The following FBXL4 variants were observed in gnomAD, a reference collection of about 807,000 sequenced individuals.
FBXL4 encodes the protein F-box and leucine rich repeat protein 4, also known as F-box/LRR-repeat protein 4.
In FBXL4, 40 loss-of-function variants were observed where a neutral mutation model predicts 58.9. That is an observed-to-expected ratio of 0.68 (90% CI 0.53 to 0.88). The LOEUF (loss-of-function observed/expected upper bound fraction) is 0.88, where lower values mean the gene tolerates loss of function less well. Among genes scored for constraint, FBXL4 ranks in the 40% least tolerant of loss-of-function variants. The probability of loss-of-function intolerance (pLI) is 0.00; values close to 1 mark genes in which losing one functional copy is unlikely to be tolerated. For synonymous variants in FBXL4, 263 were observed against 265.5 expected (o/e 0.99, Z 0.09); for missense variants, 676 against 734.4 (o/e 0.92, Z 0.92).
chr6:98,917,398 C>A lies in FBXL4; in HGVS notation c.834G>T (p.Gly278=), dbSNP rs770907606. The part of the protein sequence containing the change: ...SAVLGEGPNN[G]YFDKLPYELI... Reference sequence around the variant, plus strand: ...CCTCATAAGGTAGTTTATCAAAATACCCATTATTTGGCCCTTCCCCGAGGA... The same window carrying A: ...CCTCATAAGGTAGTTTATCAAAATAACCATTATTTGGCCCTTCCCCGAGGA... Residue 278 remains glycine (G), a synonymous_variant, in exon 5 of 10, where the codon GGG becomes GGT. Coordinates refer to ENST00000369244, the MANE Select transcript of FBXL4 (RefSeq NM_001278716.2). 2 of 1,608,420 alleles carry A rather than the reference C, an allele frequency of 1.2e-6. No homozygotes were observed. Among genetic ancestry groups the A allele is most frequent in the South Asian group, 1.1e-5 (1 of 90,070 alleles).
intron 5 of FBXL4, among the ~76,000 whole-genome samples, chr6:98,914,186 C>T (rs896543063): frequency 1.3e-5 from 2 of 152,150 alleles, no homozygotes; most frequent in African/African-American, 4.8e-5. Context: ...AGCTTACCAA[C>T]CAAAAAGAGT....
chr6:98,917,445 T>G lies in FBXL4; in HGVS notation c.787A>C (p.Asn263His). ...EKDGCGMDSLNKKFSSAVLGE... is the reference protein window; with the variant it reads ...EKDGCGMDSLHKKFSSAVLGE... ...AGGACAGCACTGCTAAACTTTTTGT[T>G]AAGACTGTCCATTCCACAACCATCC... The change falls in exon 5 of 10, where the codon AAC becomes CAC. Residue 263 changes from asparagine (N) to histidine (H), a missense_variant. Asn to His is a moderately conservative substitution (Grantham distance 68). Coordinates refer to ENST00000369244, the MANE Select transcript of FBXL4 (RefSeq NM_001278716.2). The G allele has an allele frequency of 1.9e-6, 3 of 1,614,024 alleles. No individual in the cohort carries two copies. Among genetic ancestry groups the G allele is most frequent in the Middle Eastern group, 3.3e-4 (2 of 6,062 alleles).
intron 5 of FBXL4, 102 bp downstream of exon 5, chr6:98,917,272 C>T: frequency 1.3e-6 from 1 of 785,396 alleles, no homozygotes; most frequent in South Asian, 2.5e-5. Context: ...TTATATATAA[C>T]TTACCAATGC....
At chr6:98,941,113 G>C (rs946921950) in intron 1 of FBXL4, among the ~76,000 whole-genome samples, 5 of 151,876 alleles carry the variant, frequency 3.3e-5, no homozygotes, top group Non-Finnish European at 7.4e-5. Flanking sequence ...CCAAAAACCT[G>C]TATACAAATG....
At chr6:98,915,035 A>G (rs913934720) in intron 5 of FBXL4, among the ~76,000 whole-genome samples, 143 of 152,362 alleles carry the variant, frequency 9.4e-4, no homozygotes, top group African/African-American at 3.4e-3. Flanking sequence ...ACAGACAAAC[A>G]GAGAGCCAAA....
chr6:98,891,607 C>T (rs946724471), intron 7 of FBXL4, among the ~76,000 whole-genome samples: 67 of 151,288 alleles, frequency 4.4e-4, no homozygotes, highest in African/African-American at 1.5e-3. Flanking sequence ...AGACATGGGG[C>T]TGGATGTGGT....
intron 4 of FBXL4, among the ~76,000 whole-genome samples, chr6:98,919,472 C>T (rs948875495): frequency 2.0e-5 from 3 of 152,170 alleles, no homozygotes; most frequent in African/African-American, 7.2e-5. Context: ...TATAACCAAT[C>T]TTGCAAGGCA....
intron 1 of FBXL4, among the ~76,000 whole-genome samples, chr6:98,945,248 A>G (rs1012786475): frequency 6.6e-6 from 1 of 152,204 alleles, no homozygotes; most frequent in Admixed American, 6.5e-5. Flanking sequence ...AATTTGGAAT[A>G]ATGCCAACAG....
At chr6:98,882,210 C>T (rs1446561342) in intron 7 of FBXL4, among the ~76,000 whole-genome samples, 1 of 152,006 alleles carries the variant, frequency 6.6e-6, no homozygotes, top group African/African-American at 2.4e-5. Flanking sequence ...CATGTAGCCA[C>T]CACTCAGTTT....
chr6:98,935,622 T>C (rs962351191), intron 1 of FBXL4, among the ~76,000 whole-genome samples: 3 of 150,636 alleles, frequency 2.0e-5, no homozygotes, highest in African/African-American at 7.3e-5. Flanking sequence ...ACCCCGTCTC[T>C]ACTAAAAATA....
chr6:98,943,241 T>C (rs1773496841), intron 1 of FBXL4, among the ~76,000 whole-genome samples: 1 of 152,040 alleles, frequency 6.6e-6, no homozygotes, highest in Admixed American at 6.6e-5. Context: ...AATGATCTTT[T>C]TTAAAAGTTT....
chr6:98,923,526 T>C (rs544061760), intron 4 of FBXL4, among the ~76,000 whole-genome samples: 67 of 152,332 alleles, frequency 4.4e-4, no homozygotes, highest in Non-Finnish European at 7.2e-4. Flanking sequence ...AAATGTGCTG[T>C]TGTCTCTCCT....
chr6:98,882,245 T>C (rs142878517), intron 7 of FBXL4, among the ~76,000 whole-genome samples: 1 of 151,914 alleles, frequency 6.6e-6, no homozygotes, highest in East Asian at 2.0e-4. Context: ...ATTTTGACAT[T>C]CTTTGCTTAT....
At chr6:98,891,611 A>G (rs1771228970) in intron 7 of FBXL4, among the ~76,000 whole-genome samples, 1 of 151,100 alleles carries the variant, frequency 6.6e-6, no homozygotes, top group African/African-American at 2.4e-5. Context: ...ATGGGGCTGG[A>G]TGTGGTGGCT....
chr6:98,908,856 A>T (rs575244987), intron 5 of FBXL4, among the ~76,000 whole-genome samples: 6 of 152,224 alleles, frequency 3.9e-5, no homozygotes, highest in African/African-American at 1.2e-4. Flanking sequence ...CTCCCATATC[A>T]ATAGTCCTCC....
At position 98,874,084 on chromosome 6, in the gene FBXL4, G is replaced by A; in HGVS notation, c.*194C>T. 1 of 445,054 alleles carries A rather than the reference G, an allele frequency of 2.2e-6. No individual in the cohort carries two copies. The highest frequency in any genetic ancestry group is 3.9e-6 in the Non-Finnish European group (1 of 255,258). 27.6% of individuals were successfully genotyped at this position (445,054 alleles called of 1,614,324 possible). ...TAATATCCACTCATATTCTTGAAGA[G>A]AAGTGCTTGCAGTATTTTATGAAAA... is the stretch of plus-strand genomic sequence containing the variant. On this transcript the variant is annotated 3_prime_UTR_variant, in exon 10 of 10. Coordinates refer to ENST00000369244, the MANE Select transcript of FBXL4 (RefSeq NM_001278716.2).
At chr6:98,927,533 G>A (rs1772837424) in intron 3 of FBXL4, among the ~76,000 whole-genome samples, 172 bp downstream of exon 3, 1 of 152,102 alleles carries the variant, frequency 6.6e-6, no homozygotes, top group Admixed American at 6.5e-5. Flanking sequence ...TCACATTATG[G>A]GAATATAGTT....
chr6:98,876,604 A>C (rs1383417625), intron 8 of FBXL4, among the ~76,000 whole-genome samples: 1 of 152,202 alleles, frequency 6.6e-6, no homozygotes, highest in Non-Finnish European at 1.5e-5. Flanking sequence ...CACTGTCCAT[A>C]TTTTTAGGAA....
In FBXL4 at chr6:98,923,591, T is replaced by C. The variant is rs182766279; in HGVS notation, c.512+2886A>G. 4.7e-4 allele frequency among the ~76,000 whole-genome samples: 71 copies of C among 152,282 alleles called. 1 individual carries two copies. Among genetic ancestry groups the C allele is most frequent in the African/African-American group, 1.7e-3 (69 of 41,566 alleles). ...AACCCTCAGGTCCCAGGTAAGTCAC[T>C]TCCCCAGGGAAGCCTTCTCTGAGCC... On this transcript the variant is annotated intron_variant, in intron 4 of 9. Coordinates refer to ENST00000369244, the MANE Select transcript of FBXL4 (RefSeq NM_001278716.2).
Sources: allele counts gnomAD v4.1 joint callset (sites outside exome capture counted in the v4.1 genomes callset), GRCh38; gene constraint gnomAD v4.1.1; transcripts MANE v1.5; gene names NCBI Gene and HGNC (gene_info 2026-07-23, HGNC 2026-07-21).